Variants in DNM3 observed in about 807,000 individuals in gnomAD.
DNM3 encodes dynamin-3.
Under a neutral mutation model 101.6 loss-of-function variants are expected in DNM3, and 47 were observed. The ratio of observed to expected loss-of-function variants is 0.46; its 90% CI spans 0.37 to 0.59. DNM3 has a LOEUF of 0.59. DNM3 is among the 20% of genes least tolerant of loss of function. DNM3 has a pLI of 0.00. For synonymous variants in DNM3, 385 were observed against 387.9 expected, an observed-to-expected ratio of 0.99 and a Z score of 0.09; for missense variants, 849 against 1,085.7, an observed-to-expected ratio of 0.78 and a Z score of 3.06.
At chr1:172,293,314 A>G (rs577630782) in intron 15 of DNM3, among the ~76,000 whole-genome samples, 58 of 151,378 alleles carry the variant, frequency 3.8e-4, no homozygotes, top group Non-Finnish European at 7.3e-4. Context: ...AGTTACACAT[A>G]CAGTCAAAAC....
At chr1:171,998,811 C>T (rs1230949237) in intron 4 of DNM3, among the ~76,000 whole-genome samples, 1 of 152,058 alleles carries the variant, frequency 6.6e-6, no homozygotes, top group Non-Finnish European at 1.5e-5. Context: ...AGGGAATAAG[C>T]CCTGTGACCA....
chr1:172,318,530 T>G (rs2065514615), intron 16 of DNM3, among the ~76,000 whole-genome samples: 1 of 152,188 alleles, frequency 6.6e-6, no homozygotes, highest in South Asian at 2.1e-4. Flanking sequence ...ATAAGCAACT[T>G]CAGCAAAGTC....
At chr1:171,896,014 C>T (rs1306611105) in intron 1 of DNM3, among the ~76,000 whole-genome samples, 1 of 152,098 alleles carries the variant, frequency 6.6e-6, no homozygotes, top group Non-Finnish European at 1.5e-5. Context: ...GTTTTGGTAC[C>T]AGTACCATGC....
intron 17 of DNM3, among the ~76,000 whole-genome samples, chr1:172,359,639 A>C (rs1405375335): frequency 6.6e-6 from 1 of 151,754 alleles, no homozygotes. Context: ...AAAAAAAAAA[A>C]ACCTTAAGTA....
intron 1 of DNM3, among the ~76,000 whole-genome samples, chr1:171,888,738 A>G (rs1354006857): frequency 6.6e-6 from 1 of 152,236 alleles, no homozygotes; most frequent in Non-Finnish European, 1.5e-5. Flanking sequence ...GGAGAATTGC[A>G]ATTCTATATC....
intron 10 of DNM3, among the ~76,000 whole-genome samples, chr1:172,050,673 C>T (rs1045352185): frequency 6.6e-6 from 1 of 152,128 alleles, no homozygotes; most frequent in Admixed American, 6.6e-5. Context: ...AATTATTTCA[C>T]AAGTATCTTC....
chr1:172,248,366 A>G (rs1430427911), intron 14 of DNM3, among the ~76,000 whole-genome samples: 3 of 152,160 alleles, frequency 2.0e-5, no homozygotes, highest in Admixed American at 6.6e-5. Flanking sequence ...TTTATTAAGC[A>G]ATGTCTGTAT....
At chr1:172,268,331 G>A (rs900208593) in intron 15 of DNM3, among the ~76,000 whole-genome samples, 1 of 151,466 alleles carries the variant, frequency 6.6e-6, no homozygotes, top group Non-Finnish European at 1.5e-5. Flanking sequence ...CCAAATCTTG[G>A]AAACAGAGAT....
chr1:172,085,029 T>A (rs1022510818), intron 12 of DNM3, among the ~76,000 whole-genome samples: 2 of 152,158 alleles, frequency 1.3e-5, no homozygotes, highest in African/African-American at 4.8e-5. Context: ...GTGACACTTT[T>A]TTTCCATCTT....
chr1:172,203,964 A>G (rs757053108), intron 14 of DNM3, among the ~76,000 whole-genome samples: 62 of 152,286 alleles, frequency 4.1e-4, no homozygotes, highest in Non-Finnish European at 5.0e-4. Flanking sequence ...TGAAAAGATT[A>G]TTGATATTTT....
At chr1:172,279,117 T>C (rs1016815214) in intron 15 of DNM3, among the ~76,000 whole-genome samples, 7 of 152,154 alleles carry the variant, frequency 4.6e-5, no homozygotes, top group Non-Finnish European at 7.4e-5. Flanking sequence ...AGCAATTATT[T>C]TGTGAGAAAG....
At chr1:172,019,900 A>G (rs2047715290) in intron 4 of DNM3, among the ~76,000 whole-genome samples, 1 of 151,714 alleles carries the variant, frequency 6.6e-6, no homozygotes. Flanking sequence ...TAGAACTCTT[A>G]GGATGTTAAT....
At chr1:171,843,482 T>C (rs1011321777) in intron 1 of DNM3, among the ~76,000 whole-genome samples, 2 of 152,246 alleles carry the variant, frequency 1.3e-5, no homozygotes, top group Non-Finnish European at 2.9e-5. Context: ...GGCATTTTTG[T>C]CATGACACCT....
intron 13 of DNM3, among the ~76,000 whole-genome samples, chr1:172,101,618 T>C (rs2054645766): frequency 6.6e-6 from 1 of 152,198 alleles, no homozygotes; most frequent in Non-Finnish European, 1.5e-5. Context: ...ATGAGGTAGG[T>C]ACCCCTATTA....
At chr1:172,032,606 T>C in intron 5 of DNM3, 106 bp downstream of exon 5, 1 of 634,160 alleles carries the variant, frequency 1.6e-6, no homozygotes. Flanking sequence ...TTGGTTTTAA[T>C]GCCTTCTCAG....
intron 13 of DNM3, 121 bp from the exon 14 acceptor site, chr1:172,131,054 G>A (rs904912058): frequency 3.0e-5 from 25 of 826,230 alleles, no homozygotes; most frequent in Non-Finnish European, 4.5e-5. Flanking sequence ...GTTGAGTTTG[G>A]AGGGAAAATA....
At chr1:172,285,244 C>T (rs537372949) in intron 15 of DNM3, among the ~76,000 whole-genome samples, 2 of 152,188 alleles carry the variant, frequency 1.3e-5, no homozygotes, top group South Asian at 2.1e-4. Context: ...ACTGTCAGTT[C>T]ACCTGAAACA....
Position 171,997,096 on chromosome 1 carries a change from A to G in DNM3, c.589+7948A>G, listed in dbSNP as rs531693059. ...AATGCTAGCAGTTATTTTCCTCTTG[A>G]AAATAATTAAAGGAAACTTTACCAG... On this transcript the variant is annotated intron_variant, in intron 4 of 20. Coordinates refer to ENST00000627582, the MANE Select transcript of DNM3 (RefSeq NM_015569.5). Among the ~76,000 whole-genome samples, 18 of 152,112 alleles carry G rather than the reference A, an allele frequency of 1.2e-4. No homozygotes were observed. In the East Asian group the frequency reaches 3.3e-3, roughly 28 times the overall value.
chr1:171,865,512 T>C (rs1291618002), intron 1 of DNM3, among the ~76,000 whole-genome samples: 2 of 63,416 alleles, frequency 3.2e-5, no homozygotes, highest in Non-Finnish European at 5.5e-5. Context: ...CAAGATCCTG[T>C]CTCAAAAAAA....
Sources: allele counts gnomAD v4.1 joint callset (sites outside exome capture counted in the v4.1 genomes callset), GRCh38; gene constraint gnomAD v4.1.1; transcripts MANE v1.5; gene names NCBI Gene and HGNC (gene_info 2026-07-23, HGNC 2026-07-21).